LOXHD1: variants seen among roughly 807,000 people sequenced by gnomAD.
LOXHD1 encodes the protein lipoxygenase homology domain-containing protein 1.
In LOXHD1, 205 loss-of-function variants were observed where a neutral mutation model predicts 248.2. The observed-to-expected ratio is 0.83, with a 90% confidence interval of 0.74 to 0.93. The LOEUF is 0.93. Ranked by LOEUF, LOXHD1 falls within the 40% of genes least tolerant of loss-of-function variation. The probability of loss-of-function intolerance (pLI) is 0.00; values close to 1 mark genes in which losing one functional copy is unlikely to be tolerated. For missense variants in LOXHD1, 2,930 were observed against 2,971.6 expected, an observed-to-expected ratio of 0.99 and a Z score of 0.33; for synonymous variants, 1,113 against 1,162.8, an observed-to-expected ratio of 0.96 and a Z score of 0.87.
chr18:46,493,750 G>A (rs1054435354), intron 37 of LOXHD1, among the ~76,000 whole-genome samples: 7 of 152,218 alleles, frequency 4.6e-5, no homozygotes, highest in African/African-American at 1.7e-4. Flanking sequence ...ACAGTCTCTG[G>A]ATGGGAGTGA....
intron 2 of LOXHD1, among the ~76,000 whole-genome samples, chr18:46,647,446 A>G (rs542142335): frequency 5.5e-4 from 84 of 152,330 alleles, no homozygotes; most frequent in Non-Finnish European, 1.0e-3. Flanking sequence ...AAAGGAGAAA[A>G]GGATTCATTT....
chr18:46,587,574 G>A (rs2038085322), intron 12 of LOXHD1, among the ~76,000 whole-genome samples: 1 of 152,104 alleles, frequency 6.6e-6, no homozygotes. Flanking sequence ...AGAAGTCTGT[G>A]GACAATTTAA....
chr18:46,560,023 C>T (rs1030833676), intron 19 of LOXHD1, 60 bp downstream of exon 19: 24 of 1,506,200 alleles, frequency 1.6e-5, no homozygotes, highest in Non-Finnish European at 2.1e-5. Context: ...CCAGTGGGCC[C>T]CCTTTAGGGG....
intron 40 of LOXHD1, among the ~76,000 whole-genome samples, chr18:46,478,653 C>T (rs1463018742): frequency 6.6e-6 from 1 of 152,086 alleles, no homozygotes; most frequent in African/African-American, 2.4e-5. Context: ...ATCTGACTCT[C>T]CTCTTCCTGT....
At chr18:46,610,687 GA>G (rs1284459781) in intron 6 of LOXHD1, 88 bp downstream of exon 6, 11 of 1,415,764 alleles carry the variant, frequency 7.8e-6, no homozygotes, top group Non-Finnish European at 1.0e-5. Flanking sequence ...ACCTAGAGAG[GA>G]AAGTTGGGAC....
chr18:46,569,339 TGC>T, intron 16 of LOXHD1, 101 bp downstream of exon 16: 16 of 980,248 alleles, frequency 1.6e-5, no homozygotes, highest in Non-Finnish European at 2.3e-5. Flanking sequence ...CATGAGTGTG[TGC>T]GTGTGTGTCT....
intron 23 of LOXHD1, chr18:46,544,812 T>C (rs1402941535): frequency 2.1e-6 from 1 of 471,406 alleles, no homozygotes; most frequent in Non-Finnish European, 4.4e-6. Flanking sequence ...CCATTTATTC[T>C]TCAATAATGC....
chr18:46,656,988 G>T lies in LOXHD1; in HGVS notation c.46C>A (p.Leu16Met). 6.4e-7 allele frequency: 1 copy of T among 1,551,682 alleles called. No individual in the cohort carries two copies. The change falls in exon 1 of 41, where the codon CTG (leucine) becomes ATG (methionine). Residue 16 changes from leucine (L) to methionine (M), a missense_variant. By Grantham distance (15) the Leu-to-Met change is conservative. Coordinates refer to ENST00000642948, the MANE Select transcript of LOXHD1 (RefSeq NM_001384474.1). ...AGCAGCTCCGCTTCGTACAGGGCCA[G>T]GAAGTCGATGTCCTTCTTCCTCCGC... ...KRRRKKDIDF[L>M]ALYEAELLNY... is the part of the protein sequence containing the mutation.
At chr18:46,495,865 C>T (rs577103223) in intron 37 of LOXHD1, among the ~76,000 whole-genome samples, 4 of 152,080 alleles carry the variant, frequency 2.6e-5, no homozygotes, top group African/African-American at 9.7e-5. Flanking sequence ...AACCCTGTCT[C>T]TACTAAAAAT....
In LOXHD1 at chr18:46,639,685, T is replaced by C. The variant is rs886044666; in HGVS notation, c.442A>G (p.Lys148Glu). ...CACCACTGGCGGTCACCTTCCACCT[T>C]GCTCAGCCAGTTGTTGCAGTTGAAG... The part of the protein sequence containing the change: ...YYFNCNNWLS[K>E]VEGDRQWCRD... The change falls in exon 4 of 41, where the codon AAG (lysine) becomes GAG (glutamate). Residue 148 changes from lysine (K) to glutamate (E), a missense_variant. Coordinates refer to ENST00000642948, the MANE Select transcript of LOXHD1 (RefSeq NM_001384474.1). 1.9e-6 allele frequency: 3 copies of C among 1,551,762 alleles called. No homozygotes were observed. The highest frequency in any genetic ancestry group is 2.6e-6 in the Non-Finnish European group (3 of 1,147,006).
At chr18:46,501,914 T>G (rs2034256093) in intron 37 of LOXHD1, among the ~76,000 whole-genome samples, 1 of 152,208 alleles carries the variant, frequency 6.6e-6, no homozygotes, top group South Asian at 2.1e-4. Context: ...GAAACTTGCA[T>G]GTCACTAAAG....
chr18:46,597,004 A>G (rs2038266664), intron 8 of LOXHD1, among the ~76,000 whole-genome samples: 1 of 152,240 alleles, frequency 6.6e-6, no homozygotes, highest in Non-Finnish European at 1.5e-5. Flanking sequence ...TAGATGCAAG[A>G]AGAAGTGACA....
intron 4 of LOXHD1, among the ~76,000 whole-genome samples, chr18:46,627,808 C>A (rs944184716): frequency 3.3e-5 from 5 of 152,212 alleles, no homozygotes; most frequent in African/African-American, 1.2e-4. Flanking sequence ...AGCATCACCT[C>A]CTCTATAAAG....
intron 4 of LOXHD1, among the ~76,000 whole-genome samples, chr18:46,638,734 T>C (rs2038924061): frequency 6.6e-6 from 1 of 152,186 alleles, no homozygotes; most frequent in Non-Finnish European, 1.5e-5. Flanking sequence ...CAAGTTTAGC[T>C]GGGAGGTAGA....
chr18:46,572,889 G>T (rs533623465), intron 14 of LOXHD1, among the ~76,000 whole-genome samples: 1 of 151,890 alleles, frequency 6.6e-6, no homozygotes, highest in African/African-American at 2.4e-5. Flanking sequence ...CAGGTGTGGT[G>T]GTGGGCGCCT....
At chr18:46,601,750 G>C (rs1382051763) in intron 7 of LOXHD1, 1 of 424,170 alleles carries the variant, frequency 2.4e-6, no homozygotes, top group Non-Finnish European at 4.4e-6. Flanking sequence ...ACAAAGAGAA[G>C]GAGGAACTCG....
chr18:46,561,161 C>A (rs1211459297), intron 18 of LOXHD1, among the ~76,000 whole-genome samples: 2 of 152,236 alleles, frequency 1.3e-5, no homozygotes, highest in African/African-American at 4.8e-5. Flanking sequence ...ATGGCCTCAG[C>A]CTGACTGCCC....
At chr18:46,537,309 C>T (rs1387578079) in intron 26 of LOXHD1, among the ~76,000 whole-genome samples, 2 of 152,218 alleles carry the variant, frequency 1.3e-5, no homozygotes, top group African/African-American at 4.8e-5. Flanking sequence ...AGCAACTAAA[C>T]CTCATGCCCC....
At chr18:46,547,670 G>A (rs1011233299) in intron 21 of LOXHD1, among the ~76,000 whole-genome samples, 4 of 151,916 alleles carry the variant, frequency 2.6e-5, no homozygotes, top group Admixed American at 6.5e-5. Context: ...GGCACAGTGG[G>A]GTAATTAAGG....
Sources: gnomAD v4.1 joint callset for allele counts (sites outside exome capture counted in the v4.1 genomes callset) on GRCh38, gnomAD v4.1.1 for gene constraint, MANE v1.5 for transcripts, NCBI Gene and HGNC (gene_info 2026-07-23, HGNC 2026-07-21) for gene names.